PTDSS1: variants seen among roughly 807,000 people sequenced by gnomAD.
PTDSS1 encodes PSS-1.
In PTDSS1, 45 loss-of-function variants were observed where a neutral mutation model predicts 70.5. The observed-to-expected ratio is 0.64, with a 90% confidence interval of 0.50 to 0.82. PTDSS1 has a LOEUF of 0.82. PTDSS1 is among the 40% of genes least tolerant of loss of function. The probability of loss-of-function intolerance (pLI) is 0.00; values close to 1 mark genes in which losing one functional copy is unlikely to be tolerated. For missense variants in PTDSS1, 417 were observed against 586.1 expected (o/e 0.71, Z 2.98); for synonymous variants, 188 against 203.8 (o/e 0.92, Z 0.66).
At chr8:96,320,627 G>C (rs879833156) in intron 10 of PTDSS1, among the ~76,000 whole-genome samples, 1 of 152,078 alleles carries the variant, frequency 6.6e-6, no homozygotes, top group African/African-American at 2.4e-5. Context: ...GTCTGCATGT[G>C]CTATGCATTT....
rs746427419 is a variant in PTDSS1 at position 96,309,597 on chromosome 8, G to A, written c.1048G>A (p.Val350Ile). ...AYLTDTQCKR[V>I]GTQCWVFGVI... is the part of the protein sequence containing the mutation. ...CCTCACCGACACACAGTGCAAGCGC[G>A]TAGGAACACAATGCTGGGTGTTTGG... Residue 350 changes from valine to isoleucine, a missense_variant, in exon 9 of 13, where the codon GTA (valine) becomes ATA (isoleucine). Coordinates refer to ENST00000517309, the MANE Select transcript of PTDSS1 (RefSeq NM_014754.3). The A allele has an allele frequency of 1.2e-5, 19 of 1,613,944 alleles. No homozygotes were observed. Among genetic ancestry groups the A allele is most frequent in the Middle Eastern group, 1.6e-4 (1 of 6,062 alleles).
At chr8:96,271,006 A>G in intron 1 of PTDSS1, among the ~76,000 whole-genome samples, 1 of 152,118 alleles carries the variant, frequency 6.6e-6, no homozygotes, top group African/African-American at 2.4e-5. Flanking sequence ...CTGATTTGCC[A>G]TGGCCATTTA....
intron 6 of PTDSS1, among the ~76,000 whole-genome samples, chr8:96,300,802 A>G (rs1040217654): frequency 6.6e-6 from 1 of 152,158 alleles, no homozygotes; most frequent in Admixed American, 6.5e-5. Context: ...AGTTGTTTCA[A>G]AGTTTTTGCT....
chr8:96,301,678 C>CT (rs1267957366), intron 6 of PTDSS1, among the ~76,000 whole-genome samples: 1,818 of 147,696 alleles, frequency 0.012, 35 homozygotes, highest in African/African-American at 0.042. Context: ...GCCCGGCTAA[C>CT]TTTTTTTTTT....
In PTDSS1 at chr8:96,299,727, G is replaced by A. The variant is rs776404022; in HGVS notation, c.634G>A (p.Glu212Lys). Residue 212 changes from glutamate to lysine, a missense_variant, in exon 6 of 13, where the codon GAG (glutamate) becomes AAG (lysine). Glu to Lys is a moderately conservative substitution (Grantham distance 56). Around this residue, in one of 3 missense-constraint regions of PTDSS1, gnomAD observed 272 missense variants for 429.5 expected, o/e 0.63. Transcript: ENST00000517309. ...FFMHLLPNFAECWWDQVILDI... is the reference protein window; with the variant it reads ...FFMHLLPNFAKCWWDQVILDI... ...CATGCATCTCCTCCCCAATTTTGCC[G>A]AGTGCTGGTGGGATCAAGTCATTCT... 6 of 1,611,820 alleles carry A rather than the reference G, an allele frequency of 3.7e-6. No homozygotes were observed. The highest frequency in any genetic ancestry group is 2.2e-5 in the East Asian group (1 of 44,800).
At chr8:96,294,779 A>T (rs1332012900) in intron 4 of PTDSS1, among the ~76,000 whole-genome samples, 1 of 152,196 alleles carries the variant, frequency 6.6e-6, no homozygotes, top group African/African-American at 2.4e-5. Context: ...TACTGGCTTT[A>T]ATATTGTTGC....
In PTDSS1 at chr8:96,334,145, A is replaced by G. The variant is rs1367536667; in HGVS notation, c.*579A>G. The G allele has an allele frequency of 4.0e-6, 1 of 251,688 alleles. No homozygotes were observed. Among genetic ancestry groups the G allele is most frequent in the Non-Finnish European group, 7.6e-6 (1 of 131,956 alleles). The allele number at this position is 251,688 out of a possible 1,614,324, so 15.6% of individuals were successfully genotyped here. On this transcript the variant is annotated 3_prime_UTR_variant, in exon 13 of 13. Transcript: ENST00000517309. ...GGGTTCCCCTTCCTTCTAGAGCAGA[A>G]AAGGGAGAGAGGTGTTGTATTCCTG...
chr8:96,284,143 A>C lies in PTDSS1; in HGVS notation c.306A>C (p.Arg102=), dbSNP rs1345077638. ...PFTRPHPALW[R]MVFGLSVLYF... Reference sequence around the variant, plus strand: ...CTCGACCTCATCCAGCCTTATGGCGAATGGTTTTTGGTGAGTTTATATTAG... The same window carrying C: ...CTCGACCTCATCCAGCCTTATGGCGCATGGTTTTTGGTGAGTTTATATTAG... Residue 102 remains arginine (R), a synonymous_variant, in exon 3 of 13, where the codon CGA becomes CGC. Coordinates refer to ENST00000517309, the MANE Select transcript of PTDSS1 (RefSeq NM_014754.3). 6.2e-7 allele frequency: 1 copy of C among 1,609,458 alleles called. No individual in the cohort carries two copies. The highest frequency in any genetic ancestry group is 2.2e-5 in the East Asian group (1 of 44,840).
intron 2 of PTDSS1, among the ~76,000 whole-genome samples, chr8:96,283,087 G>A (rs1233707711): frequency 6.6e-6 from 1 of 152,190 alleles, no homozygotes; most frequent in East Asian, 1.9e-4. Flanking sequence ...CCTGCCTACT[G>A]CCCCTACTGG....
chr8:96,287,712 T>C (rs1810843921), intron 4 of PTDSS1, among the ~76,000 whole-genome samples: 1 of 152,204 alleles, frequency 6.6e-6, no homozygotes, highest in Non-Finnish European at 1.5e-5. Flanking sequence ...TAGTCATGAA[T>C]TAGTTTATTT....
intron 2 of PTDSS1, 35 bp downstream of exon 2, chr8:96,273,425 T>C (rs1359283677): frequency 2.7e-6 from 4 of 1,493,736 alleles, no homozygotes; most frequent in Non-Finnish European, 3.7e-6. Context: ...ATTTCTCCTA[T>C]ATTGTGCCTT....
At chr8:96,320,699 G>A (rs937102607) in intron 10 of PTDSS1, among the ~76,000 whole-genome samples, 11 of 152,056 alleles carry the variant, frequency 7.2e-5, no homozygotes, top group African/African-American at 2.4e-4. Flanking sequence ...TCATCATGCC[G>A]CATACATCTT....
intron 12 of PTDSS1, among the ~76,000 whole-genome samples, chr8:96,332,403 C>T (rs1448264034): frequency 1.3e-5 from 2 of 152,200 alleles, no homozygotes; most frequent in Non-Finnish European, 2.9e-5. Flanking sequence ...CTGTTGCAGT[C>T]ATTCTCCTAA....
intron 8 of PTDSS1, among the ~76,000 whole-genome samples, chr8:96,308,439 T>TA (rs1811159569): frequency 6.6e-6 from 1 of 152,212 alleles, no homozygotes; most frequent in Non-Finnish European, 1.5e-5. Context: ...TGCAAAGTGT[T>TA]ATGCCTTTCT....
At chr8:96,296,977 C>A (rs1810984891) in intron 5 of PTDSS1, among the ~76,000 whole-genome samples, 1 of 152,192 alleles carries the variant, frequency 6.6e-6, no homozygotes, top group South Asian at 2.1e-4. Context: ...CTGTGGTCAC[C>A]AGGCCCTATA....
At position 96,333,908 on chromosome 8, in the gene PTDSS1, T is replaced by TAAAC. The variant is rs1811557916; in HGVS notation, c.*344_*347dup. 1.7e-6 allele frequency: 1 copy of TAAAC among 595,476 alleles called. No individual in the cohort carries two copies. Among genetic ancestry groups the TAAAC allele is most frequent in the Non-Finnish European group, 3.0e-6 (1 of 333,176 alleles). 36.9% of individuals were successfully genotyped at this position (595,476 alleles called of 1,614,324 possible). ...CGCCTGCTGGATCGTGGATGCAGCG[T>TAAAC]AAACATCTTCCTTCAGACGAGGCAT... On this transcript the variant is annotated 3_prime_UTR_variant, in exon 13 of 13. Transcript: ENST00000517309.
At chr8:96,283,493 G>A (rs1261676381) in intron 2 of PTDSS1, 1 of 152,150 alleles carries the variant, frequency 6.6e-6, no homozygotes, top group African/African-American at 2.4e-5. Flanking sequence ...TCAGTTGTGT[G>A]GAATCTGCAT....
At chr8:96,301,359 T>G (rs1406097182) in intron 6 of PTDSS1, among the ~76,000 whole-genome samples, 1 of 152,090 alleles carries the variant, frequency 6.6e-6, no homozygotes, top group African/African-American at 2.4e-5. Context: ...CATCTCAAAG[T>G]GTTGGGATTA....
intron 3 of PTDSS1, among the ~76,000 whole-genome samples, chr8:96,286,066 G>A (rs1441870003): frequency 6.6e-6 from 1 of 152,164 alleles, no homozygotes; most frequent in East Asian, 1.9e-4. Context: ...AGAAGGTCTG[G>A]CACTATAGCG....
Sources: allele counts gnomAD v4.1 joint callset (sites outside exome capture counted in the v4.1 genomes callset), GRCh38; gene constraint gnomAD v4.1.1; regional missense constraint gnomAD v4.1.1; transcripts MANE v1.5; gene names NCBI Gene and HGNC (gene_info 2026-07-23, HGNC 2026-07-21).